The following PTPRD variants were observed in gnomAD, a reference collection of about 807,000 sequenced individuals.
The protein encoded by PTPRD is protein tyrosine phosphatase receptor type D, also known as receptor-type tyrosine-protein phosphatase delta.
In PTPRD, 34 loss-of-function variants were observed where a neutral mutation model predicts 214.5. The ratio of observed to expected loss-of-function variants is 0.16; its 90% CI spans 0.12 to 0.21. PTPRD has a LOEUF of 0.21. Among genes scored for constraint, PTPRD ranks in the 10% least tolerant of loss-of-function variants. The probability of loss-of-function intolerance (pLI) is 1.00; values close to 1 mark genes in which losing one functional copy is unlikely to be tolerated. For missense variants in PTPRD, 2,545 were observed against 2,398.7 expected, an observed-to-expected ratio of 1.06 and a Z score of -1.27; for synonymous variants, 1,128 against 845.7, an observed-to-expected ratio of 1.33 and a Z score of -5.79.
chr9:10,049,839 C>T (rs540389652), intron 3 of PTPRD, among the ~76,000 whole-genome samples: 1 of 152,224 alleles, frequency 6.6e-6, no homozygotes, highest in Admixed American at 6.5e-5. Context: ...TCTAAAATAG[C>T]AAAACATTTA....
intron 7 of PTPRD, among the ~76,000 whole-genome samples, chr9:9,711,115 T>C (rs1228619298): frequency 1.3e-5 from 2 of 152,178 alleles, no homozygotes; most frequent in Non-Finnish European, 2.9e-5. Flanking sequence ...TAAACTGTAA[T>C]AAGCAGGTAA....
chr9:8,523,369 G>A (rs2097928717), intron 19 of PTPRD, 144 bp downstream of exon 19: 2 of 933,556 alleles, frequency 2.1e-6, no homozygotes, highest in African/African-American at 1.7e-5. Context: ...AGCACCAGAA[G>A]CCATGGCCAG....
intron 34 of PTPRD, among the ~76,000 whole-genome samples, chr9:8,436,963 A>G (rs10977103): frequency 0.089 from 13,490 of 152,242 alleles, 891 homozygotes; most frequent in East Asian, 0.26. Flanking sequence ...ATGAATCAAT[A>G]AGGTTAGCTA....
At chr9:9,967,698 G>T (rs2094803898) in intron 4 of PTPRD, among the ~76,000 whole-genome samples, 1 of 152,118 alleles carries the variant, frequency 6.6e-6, no homozygotes, top group Non-Finnish European at 1.5e-5. Context: ...ATCCCATGGG[G>T]TTGGCAGTTT....
At chr9:8,706,003 A>G (rs1460116485) in intron 12 of PTPRD, among the ~76,000 whole-genome samples, 1 of 152,150 alleles carries the variant, frequency 6.6e-6, no homozygotes, top group South Asian at 2.1e-4. Flanking sequence ...TTTCAACTCA[A>G]TTCTGCTGCT....
At chr9:8,915,044 G>C (rs1653147304) in intron 11 of PTPRD, among the ~76,000 whole-genome samples, 1 of 152,130 alleles carries the variant, frequency 6.6e-6, no homozygotes. Flanking sequence ...AAAACATCTA[G>C]TGTGGTCAGT....
intron 8 of PTPRD, among the ~76,000 whole-genome samples, chr9:9,492,910 A>G (rs2095982956): frequency 6.7e-6 from 1 of 148,304 alleles, no homozygotes; most frequent in South Asian, 2.2e-4. Flanking sequence ...TGATATTACT[A>G]TTGTAATTGT....
intron 11 of PTPRD, among the ~76,000 whole-genome samples, chr9:8,930,954 T>C (rs1439099694): frequency 1.3e-5 from 2 of 152,196 alleles, no homozygotes; most frequent in Non-Finnish European, 2.9e-5. Flanking sequence ...GTGCAGAAGC[T>C]CTTTAGTTTA....
At chr9:8,410,440 G>C (rs920584256) in intron 35 of PTPRD, among the ~76,000 whole-genome samples, 1 of 152,138 alleles carries the variant, frequency 6.6e-6, no homozygotes, top group Non-Finnish European at 1.5e-5. Flanking sequence ...CTAGTGTCAG[G>C]TGTGTGTCCT....
intron 7 of PTPRD, among the ~76,000 whole-genome samples, chr9:9,614,027 A>T (rs1347722947): frequency 1.3e-5 from 2 of 152,140 alleles, no homozygotes; most frequent in African/African-American, 4.8e-5. Flanking sequence ...TCATAATAGA[A>T]GTGTGATGAA....
intron 5 of PTPRD, among the ~76,000 whole-genome samples, chr9:9,824,330 T>C (rs1165299077): frequency 6.6e-6 from 1 of 152,012 alleles, no homozygotes; most frequent in African/African-American, 2.4e-5. Flanking sequence ...ATTTATTTTA[T>C]ATTAAACTAC....
intron 11 of PTPRD, among the ~76,000 whole-genome samples, chr9:8,839,621 G>A (rs79877866): frequency 0.021 from 3,147 of 152,206 alleles, 89 homozygotes; most frequent in South Asian, 0.089. Context: ...CACCACGCCC[G>A]GCTGAAACTA....
chr9:10,223,880 A>G, intron 3 of PTPRD, among the ~76,000 whole-genome samples: 1 of 151,628 alleles, frequency 6.6e-6, no homozygotes, highest in East Asian at 1.9e-4. Flanking sequence ...AAACAACTTA[A>G]TCTATACACA....
chr9:8,691,096 C>CA lies in PTPRD; in HGVS notation c.64+42683dup, dbSNP rs547260810. Among the ~76,000 whole-genome samples the CA allele has an allele frequency of 1.7e-3, 252 of 152,006 alleles. 1 individual carries two copies. Among genetic ancestry groups the CA allele is most frequent in the African/African-American group, 5.5e-3 (229 of 41,474 alleles). Reference sequence around the variant, plus strand: ...AACTAAGAATGAGAAGAAAGGAGTTCAAAAAAATAATGAAATGGCTTTTGA... The same window carrying CA: ...AACTAAGAATGAGAAGAAAGGAGTTCAAAAAAAATAATGAAATGGCTTTTGA... On this transcript the variant is annotated intron_variant, in intron 12 of 45. Transcript: ENST00000381196.
At position 8,484,213 on chromosome 9, in the gene PTPRD, C is replaced by T. The variant is rs1423655825; in HGVS notation, c.3319G>A (p.Val1107Ile). Reference protein sequence around the residue: ...HRVTAKTAPDVLRTKPAFIGK... With the variant: ...HRVTAKTAPDILRTKPAFIGK... ...ATGAAGGCAGGCTTGGTACGTAATA[C>T]ATCTGGTGCAGTCTTTGCCGTGACC... is the stretch of plus-strand genomic sequence containing the variant. The change falls in exon 30 of 46, where the codon GTA (valine) becomes ATA (isoleucine). Residue 1107 changes from valine to isoleucine, a missense_variant. By Grantham distance (29) the Val-to-Ile change is conservative. Transcript: ENST00000381196. The T allele has an allele frequency of 2.5e-6, 4 of 1,614,040 alleles. No homozygotes were observed. The highest frequency in any genetic ancestry group is 1.1e-5 in the South Asian group (1 of 91,090).
At chr9:9,035,419 T>C (rs1569481519) in intron 10 of PTPRD, among the ~76,000 whole-genome samples, 1 of 152,074 alleles carries the variant, frequency 6.6e-6, no homozygotes, top group Non-Finnish European at 1.5e-5. Flanking sequence ...CTGAGAGTCA[T>C]CTCTTTGAAA....
chr9:10,100,349 T>C (rs946987720), intron 3 of PTPRD, among the ~76,000 whole-genome samples: 9 of 151,688 alleles, frequency 5.9e-5, no homozygotes, highest in Non-Finnish European at 1.0e-4. Flanking sequence ...CCATCCCAAG[T>C]TCAAATGGGT....
intron 10 of PTPRD, among the ~76,000 whole-genome samples, chr9:9,034,127 G>A (rs1435732786): frequency 1.3e-5 from 2 of 152,118 alleles, no homozygotes; most frequent in Non-Finnish European, 2.9e-5. Flanking sequence ...GAAAACAAAG[G>A]CATACTTAAG....
chr9:9,960,430 T>C (rs533425570), intron 4 of PTPRD, among the ~76,000 whole-genome samples: 1 of 152,208 alleles, frequency 6.6e-6, no homozygotes, highest in East Asian at 1.9e-4. Flanking sequence ...GGCCTCTATG[T>C]AGGGACTTGC....
Sources: allele counts gnomAD v4.1 joint callset (sites outside exome capture counted in the v4.1 genomes callset), GRCh38; gene constraint gnomAD v4.1.1; transcripts MANE v1.5; gene names NCBI Gene and HGNC (gene_info 2026-07-23, HGNC 2026-07-21).